NBAS: variants seen among roughly 807,000 people sequenced by gnomAD.
The protein encoded by NBAS is NBAS subunit of NRZ tethering complex, also known as NAG/BC035112 fusion.
NBAS carries 219 observed loss-of-function variants against 302.5 expected under a neutral mutation model. The ratio of observed to expected loss-of-function variants is 0.72; its 90% CI spans 0.65 to 0.81. The LOEUF (loss-of-function observed/expected upper bound fraction) is 0.81, where lower values mean the gene tolerates loss of function less well. Ranked by LOEUF, NBAS falls within the 30% of genes least tolerant of loss-of-function variation. The pLI is 0.00. For synonymous variants in NBAS, 1,118 were observed against 1,021.6 expected (o/e 1.09, Z -1.80); for missense variants, 2,932 against 2,841.6 (o/e 1.03, Z -0.72).
At position 15,489,015 on chromosome 2, in the gene NBAS, A is replaced by C. The variant is rs1247804166; in HGVS notation, c.962T>G (p.Ile321Ser). 3 of 1,613,354 alleles carry C rather than the reference A, an allele frequency of 1.9e-6. No individual in the cohort carries two copies. The highest frequency in any genetic ancestry group is 8.5e-7 in the Non-Finnish European group (1 of 1,179,574). The change falls in exon 12 of 52, where the codon ATT becomes AGT. Residue 321 changes from isoleucine (I) to serine (S), a missense_variant. Coordinates refer to ENST00000281513, the MANE Select transcript of NBAS (RefSeq NM_015909.4). ...YSRQGQEQDG[I>S]FKMSLSPDGM... Reference sequence around the variant, plus strand: ...ATCTGGAGAAAGGCTCATCTTAAAAATTCCATCCTAAATAAGAATCATAAG... The same window carrying C: ...ATCTGGAGAAAGGCTCATCTTAAAACTTCCATCCTAAATAAGAATCATAAG...
intron 47 of NBAS, among the ~76,000 whole-genome samples, chr2:15,226,142 T>C (rs541547846): frequency 4.2e-4 from 64 of 152,334 alleles, no homozygotes; most frequent in African/African-American, 1.4e-3. Flanking sequence ...GTGAGAGAAA[T>C]GCATACCTCT....
chr2:15,205,478 T>TAAA (rs35089833), intron 48 of NBAS, among the ~76,000 whole-genome samples: 1 of 149,074 alleles, frequency 6.7e-6, no homozygotes, highest in African/African-American at 2.5e-5. Context: ...TTGAATAAAT[T>TAAA]AAAAAAAAAA....
At chr2:15,068,704 C>G in the NBAS span, among the ~76,000 whole-genome samples, 1 of 152,228 alleles carries the variant, frequency 6.6e-6, no homozygotes, top group Non-Finnish European at 1.5e-5. Context: ...AATATGCTGA[C>G]TTGCCCTGGC....
At chr2:15,286,514 A>C (rs1285415721) in intron 42 of NBAS, among the ~76,000 whole-genome samples, 4 of 152,176 alleles carry the variant, frequency 2.6e-5, no homozygotes, top group African/African-American at 9.7e-5. Context: ...TGTTCCACCC[A>C]AATCCCTGGA....
the NBAS span, among the ~76,000 whole-genome samples, chr2:15,002,995 C>T: frequency 6.6e-6 from 1 of 152,248 alleles, no homozygotes; most frequent in African/African-American, 2.4e-5. Context: ...GGTGCAGCGG[C>T]GGGCTGAAGG....
At chr2:14,848,796 G>C in the NBAS span, among the ~76,000 whole-genome samples, 1 of 151,940 alleles carries the variant, frequency 6.6e-6, no homozygotes, top group Non-Finnish European at 1.5e-5. Flanking sequence ...CTAACTGGGA[G>C]GCACCCCCAG....
At chr2:15,303,395 A>G (rs1457667056) in intron 40 of NBAS, among the ~76,000 whole-genome samples, 1 of 152,214 alleles carries the variant, frequency 6.6e-6, no homozygotes, top group Non-Finnish European at 1.5e-5. Flanking sequence ...TGAATTGATA[A>G]AAGGGTACAC....
the NBAS span, among the ~76,000 whole-genome samples, chr2:14,989,293 A>ATGTGTGTGTATGTGTGTGTG: frequency 2.2e-4 from 33 of 148,124 alleles, no homozygotes; most frequent in African/African-American, 8.2e-4. Context: ...ATGTATGTGT[A>ATGTGTGTGTATGTGTGTGTG]TGTGTGTGTG....
intron 9 of NBAS, among the ~76,000 whole-genome samples, chr2:15,516,263 G>A (rs535693472): frequency 6.6e-6 from 1 of 152,158 alleles, no homozygotes; most frequent in South Asian, 2.1e-4. Context: ...AATGAAACTA[G>A]AAAAACACAG....
intron 5 of NBAS, among the ~76,000 whole-genome samples, 182 bp from the exon 6 acceptor site, chr2:15,551,718 T>C (rs1163500356): frequency 6.6e-6 from 1 of 152,188 alleles, no homozygotes; most frequent in East Asian, 1.9e-4. Context: ...TCCAACCTTA[T>C]TGCATCAGAT....
the NBAS span, among the ~76,000 whole-genome samples, chr2:14,967,652 G>C: frequency 6.6e-6 from 1 of 152,144 alleles, no homozygotes; most frequent in Admixed American, 6.5e-5. Context: ...TTGGGTTAGG[G>C]AAAGGTCTCT....
intron 48 of NBAS, among the ~76,000 whole-genome samples, chr2:15,208,783 T>C (rs139957837): frequency 1.2e-4 from 19 of 152,206 alleles, no homozygotes; most frequent in South Asian, 8.3e-4. Flanking sequence ...CCGAAACCTA[T>C]AGGTTACTGT....
chr2:15,540,596 T>G (rs1461169480), intron 6 of NBAS, among the ~76,000 whole-genome samples: 2 of 152,106 alleles, frequency 1.3e-5, no homozygotes, highest in African/African-American at 4.8e-5. Context: ...GAAAGGCCCT[T>G]CCCAAAAGGC....
chr2:14,965,799 A>C, the NBAS span, among the ~76,000 whole-genome samples: 12 of 152,308 alleles, frequency 7.9e-5, no homozygotes, highest in East Asian at 2.1e-3. Flanking sequence ...AATTGATTCC[A>C]ACAACATATT....
At chr2:15,008,853 T>C in the NBAS span, among the ~76,000 whole-genome samples, 1 of 152,236 alleles carries the variant, frequency 6.6e-6, no homozygotes, top group Non-Finnish European at 1.5e-5. Flanking sequence ...GGTCTAGGTA[T>C]TCCCACCTCA....
the NBAS span, among the ~76,000 whole-genome samples, chr2:14,859,759 C>T: frequency 2.6e-5 from 4 of 152,034 alleles, no homozygotes; most frequent in African/African-American, 9.7e-5. Context: ...GAAAATGCTC[C>T]AGGACATTGG....
downstream of NBAS, among the ~76,000 whole-genome samples, chr2:15,162,154 CCT>C (rs10564284): frequency 0.046 from 7,047 of 152,272 alleles, 431 homozygotes; most frequent in African/African-American, 0.13. Context: ...AACCCAGACC[CCT>C]GACTCCAATC....
rs77299752 is a variant in NBAS at position 15,292,629 on chromosome 2, C to T, written c.4935G>A (p.Ala1645=). 556 of 1,614,162 alleles carry T rather than the reference C, an allele frequency of 3.4e-4. 1 individual carries two copies. Among genetic ancestry groups the T allele is most frequent in the East Asian group, 3.2e-3 (144 of 44,876 alleles). ...CCTTCCGAAGGCCCTGAAGGATCTG[C>T]GCCTGAGTGAAATCCAGGAGACGTT... ...YNERLLDFTQ[A]QILQGLRKGV... is the part of the protein sequence containing the mutation. The change falls in exon 41 of 52, where the codon GCG becomes GCA. Residue 1645 remains alanine, a synonymous_variant. Coordinates refer to ENST00000281513, the MANE Select transcript of NBAS (RefSeq NM_015909.4).
At chr2:15,032,216 G>A in the NBAS span, among the ~76,000 whole-genome samples, 2 of 152,192 alleles carry the variant, frequency 1.3e-5, no homozygotes, top group East Asian at 3.9e-4. Context: ...CTGTAACAGT[G>A]CCTACAAATG....
Sources: allele counts gnomAD v4.1 joint callset (sites outside exome capture counted in the v4.1 genomes callset), GRCh38; gene constraint gnomAD v4.1.1; transcripts MANE v1.5; gene names NCBI Gene and HGNC (gene_info 2026-07-23, HGNC 2026-07-21).